The following MECOM variants were observed in gnomAD, a reference collection of about 807,000 sequenced individuals.
MECOM encodes histone-lysine N-methyltransferase MECOM.
A neutral mutation model predicts 116.3 loss-of-function variants in MECOM; 13 were observed. The observed-to-expected ratio is 0.11, with a 90% CI of 0.07 to 0.18. The LOEUF (loss-of-function observed/expected upper bound fraction) is 0.18. MECOM is among the 10% of genes least tolerant of loss of function. The probability of loss-of-function intolerance (pLI) is 1.00; values close to 1 mark genes in which losing one functional copy is unlikely to be tolerated. For synonymous variants in MECOM, 528 were observed against 535.2 expected (o/e 0.99, Z 0.19); for missense variants, 1,299 against 1,509.0 (o/e 0.86, Z 2.31).
At chr3:169,598,047 A>G (rs535215786) in intron 1 of MECOM, among the ~76,000 whole-genome samples, 1 of 152,202 alleles carries the variant, frequency 6.6e-6, no homozygotes, top group Non-Finnish European at 1.5e-5. Context: ...CATAATAAAT[A>G]AGAGAAAAAC....
chr3:169,440,827 C>G (rs1027257205), intron 1 of MECOM, among the ~76,000 whole-genome samples: 1 of 151,996 alleles, frequency 6.6e-6, no homozygotes, highest in Non-Finnish European at 1.5e-5. Context: ...GTTTAGACAG[C>G]TCACCCCAGA....
At chr3:169,395,841 A>T (rs192128463) in intron 1 of MECOM, among the ~76,000 whole-genome samples, 2 of 152,354 alleles carry the variant, frequency 1.3e-5, no homozygotes, top group East Asian at 3.9e-4. Flanking sequence ...CTTCATGAGG[A>T]TAGGGACCCT....
chr3:169,590,027 C>T (rs1221933028), intron 1 of MECOM, among the ~76,000 whole-genome samples: 6 of 152,200 alleles, frequency 3.9e-5, no homozygotes, highest in African/African-American at 9.7e-5. Context: ...GGACTCAGAA[C>T]TATGAATCTC....
At chr3:169,520,634 T>C (rs1757225150) in intron 1 of MECOM, among the ~76,000 whole-genome samples, 1 of 152,260 alleles carries the variant, frequency 6.6e-6, no homozygotes, top group Non-Finnish European at 1.5e-5. Context: ...AATGCCATTA[T>C]TTTCTTGGAT....
At position 169,334,210 on chromosome 3, in the gene MECOM, C is replaced by T. The variant is rs546496302; in HGVS notation, c.375+46977G>A. On this transcript the variant is annotated intron_variant, in intron 2 of 16. Transcript: ENST00000651503. ...ATTTTTAGCTACTCATTTGTATTTT[C>T]CTCCTTTAAACACCAATATCATTGT... Among the ~76,000 whole-genome samples, 80 of 152,182 alleles carry T rather than the reference C, an allele frequency of 5.3e-4. 1 individual carries two copies. The South Asian group carries it at 0.016, about 30-fold the overall frequency.
intron 2 of MECOM, among the ~76,000 whole-genome samples, chr3:169,255,279 T>C (rs1278158138): frequency 2.6e-5 from 4 of 152,128 alleles, no homozygotes. Flanking sequence ...GTAGTATCCA[T>C]TTTATAAATC....
intron 1 of MECOM, among the ~76,000 whole-genome samples, chr3:169,566,860 A>G (rs1763309448): frequency 6.6e-6 from 1 of 152,248 alleles, no homozygotes; most frequent in African/African-American, 2.4e-5. Context: ...CAACTTCTAT[A>G]TCCCAACTTT....
At chr3:169,194,694 G>A (rs952107580) in intron 2 of MECOM, among the ~76,000 whole-genome samples, 2 of 151,926 alleles carry the variant, frequency 1.3e-5, no homozygotes, top group African/African-American at 2.4e-5. Context: ...GAGTGTTACC[G>A]CTGAAATCAC....
At chr3:169,200,659 G>C (rs1195406910) in intron 2 of MECOM, among the ~76,000 whole-genome samples, 1 of 151,984 alleles carries the variant, frequency 6.6e-6, no homozygotes, top group Non-Finnish European at 1.5e-5. Flanking sequence ...TCAGATATTT[G>C]GGCAATTAGG....
At chr3:169,216,020 C>T (rs1751382244) in intron 2 of MECOM, among the ~76,000 whole-genome samples, 1 of 152,194 alleles carries the variant, frequency 6.6e-6, no homozygotes, top group African/African-American at 2.4e-5. Context: ...AAATTTTAGA[C>T]CTGAAAGGCA....
At chr3:169,100,794 T>G (rs1271221990) in intron 12 of MECOM, 91 bp downstream of exon 12, 15 of 722,866 alleles carry the variant, frequency 2.1e-5, no homozygotes, top group African/African-American at 1.1e-4. Flanking sequence ...AAACTTTAAT[T>G]ATTATAAACT....
At chr3:169,376,081 A>G (rs1730982794) in intron 2 of MECOM, among the ~76,000 whole-genome samples, 1 of 152,146 alleles carries the variant, frequency 6.6e-6, no homozygotes, top group South Asian at 2.1e-4. Context: ...AAAAAAACAC[A>G]GGATTATCTC....
At chr3:169,246,230 A>G (rs1012924781) in intron 2 of MECOM, among the ~76,000 whole-genome samples, 1 of 152,196 alleles carries the variant, frequency 6.6e-6, no homozygotes, top group Non-Finnish European at 1.5e-5. Context: ...TGAACAAGTT[A>G]TTTTATTCTC....
At chr3:169,431,627 C>A (rs773185717) in intron 1 of MECOM, among the ~76,000 whole-genome samples, 1 of 152,134 alleles carries the variant, frequency 6.6e-6, no homozygotes, top group Non-Finnish European at 1.5e-5. Flanking sequence ...GATTCAAAGT[C>A]GCACAGACTA....
At chr3:169,143,466 G>A (rs1249364898) in intron 3 of MECOM, among the ~76,000 whole-genome samples, 2 of 152,042 alleles carry the variant, frequency 1.3e-5, no homozygotes, top group African/African-American at 4.8e-5. Flanking sequence ...AAGAAAACTG[G>A]TGCATTTATG....
At chr3:169,339,054 A>G (rs1269351137) in intron 2 of MECOM, among the ~76,000 whole-genome samples, 4 of 152,234 alleles carry the variant, frequency 2.6e-5, no homozygotes, top group Non-Finnish European at 5.9e-5. Context: ...CAAAATCAAT[A>G]TTGAATAAAT....
chr3:169,260,792 ATATT>A (rs1757438985), intron 2 of MECOM, among the ~76,000 whole-genome samples: 1 of 152,218 alleles, frequency 6.6e-6, no homozygotes, highest in Non-Finnish European at 1.5e-5. Flanking sequence ...AACAGGATAA[ATATT>A]TATCCCTAAA....
chr3:169,239,156 G>A (rs1417790770), intron 2 of MECOM, among the ~76,000 whole-genome samples: 1 of 152,068 alleles, frequency 6.6e-6, no homozygotes, highest in Non-Finnish European at 1.5e-5. Flanking sequence ...GCAAAGTTGA[G>A]TAAATTGTTC....
At chr3:169,122,382 T>A (rs530498042) in intron 6 of MECOM, among the ~76,000 whole-genome samples, 198 bp downstream of exon 6, 1 of 152,194 alleles carries the variant, frequency 6.6e-6, no homozygotes, top group Non-Finnish European at 1.5e-5. Context: ...CTTCCTCCCT[T>A]ACAAAAATAA....
Sources: gnomAD v4.1 joint callset for allele counts (sites outside exome capture counted in the v4.1 genomes callset) on GRCh38, gnomAD v4.1.1 for gene constraint, MANE v1.5 for transcripts, NCBI Gene and HGNC (gene_info 2026-07-23, HGNC 2026-07-21) for gene names.